SEC14L1: variants seen among roughly 807,000 people sequenced by gnomAD.
The protein encoded by SEC14L1 is SEC14-like protein 1.
A neutral mutation model predicts 85.3 loss-of-function variants in SEC14L1; 48 were observed. The observed-to-expected ratio is 0.56, with a 90% CI of 0.45 to 0.72. The LOEUF (loss-of-function observed/expected upper bound fraction) is 0.72. SEC14L1 is among the 30% of genes least tolerant of loss of function. The pLI is 0.00. For missense variants in SEC14L1, 682 were observed against 921.4 expected, an observed-to-expected ratio of 0.74 and a Z score of 3.36; for synonymous variants, 391 against 355.5, an observed-to-expected ratio of 1.10 and a Z score of -1.12.
Position 77,126,299 on chromosome 17 carries a change from C to T in SEC14L1, c.-135-16347C>T, listed in dbSNP as rs1438638117. On this transcript the variant is annotated intron_variant, in intron 3 of 19. Coordinates refer to the SEC14L1 transcript ENST00000392476. The stretch of plus-strand genomic sequence containing the variant: ...CGAAATGGGCTGTGATGAAGATCAT[C>T]GTGATGCTTGTGAAGTGCCTAGCAC... Among the ~76,000 whole-genome samples, 4 of 152,184 alleles carry T rather than the reference C, an allele frequency of 2.6e-5. No homozygotes were observed. The East Asian group carries it at 7.7e-4, about 29-fold the overall frequency.
At chr17:77,134,273 A>C (rs566876700) in intron 3 of SEC14L1, among the ~76,000 whole-genome samples, 1 of 148,654 alleles carries the variant, frequency 6.7e-6, no homozygotes, top group South Asian at 2.1e-4. Context: ...TTTTGGAGAC[A>C]TGGTCTCTCT....
Position 77,213,427 on chromosome 17 carries a change from G to A in SEC14L1, c.1977G>A (p.Leu659=), listed in dbSNP as rs777617274. Residue 659 remains leucine, a synonymous_variant, in exon 16 of 17, where the codon CTG becomes CTA. Coordinates refer to ENST00000436233, the MANE Select transcript of SEC14L1 (RefSeq NM_001143998.2). This position sits in a 1 kb window ranked among gnomAD's most constrained non-coding sequence, Gnocchi z 7.1. The part of the protein sequence containing the change: ...LPRVDDVLAS[L]QVSSHKCKVM... ...GGGTGGACGACGTGCTTGCGTCCCTGCAGGTCTCTTCGCACAAGTGTAAAG... is the reference window on the plus strand; with the variant it reads ...GGGTGGACGACGTGCTTGCGTCCCTACAGGTCTCTTCGCACAAGTGTAAAG... 2 of 1,613,216 alleles carry A rather than the reference G, an allele frequency of 1.2e-6. No individual in the cohort carries two copies. The highest frequency in any genetic ancestry group is 1.7e-5 in the Admixed American group (1 of 60,028).
At chr17:77,096,718 T>G (rs1446693735) in intron 3 of SEC14L1, among the ~76,000 whole-genome samples, 1 of 152,222 alleles carries the variant, frequency 6.6e-6, no homozygotes, top group African/African-American at 2.4e-5. Context: ...GTTTGGGTTT[T>G]GGGGCTTTTT....
chr17:77,166,925 T>G (rs969998721), intron 3 of SEC14L1, among the ~76,000 whole-genome samples: 1 of 152,174 alleles, frequency 6.6e-6, no homozygotes, highest in African/African-American at 2.4e-5. Flanking sequence ...TTAGGGTGCA[T>G]GCGTACTAGG....
intron 3 of SEC14L1, among the ~76,000 whole-genome samples, chr17:77,111,420 T>A: frequency 6.9e-6 from 1 of 144,712 alleles, no homozygotes; most frequent in Admixed American, 7.0e-5. Context: ...TGAGACAGAG[T>A]CTCGCTTTGT....
At position 77,209,428 on chromosome 17, in the gene SEC14L1, T is replaced by A; in HGVS notation, c.1563T>A (p.Thr521=). The A allele has an allele frequency of 6.2e-7, 1 of 1,614,214 alleles. No homozygotes were observed. Among genetic ancestry groups the A allele is most frequent in the South Asian group, 1.1e-5 (1 of 91,082 alleles). ...AGAACGAAGACCTGAAGCTCTGGACTGAGACCATCTACCAGTCTGCAAGCG... is the reference window on the plus strand; with the variant it reads ...AGAACGAAGACCTGAAGCTCTGGACAGAGACCATCTACCAGTCTGCAAGCG... The part of the protein sequence containing the change: ...ELENEDLKLW[T]ETIYQSASVF... The change falls in exon 14 of 17, where the codon ACT becomes ACA. Residue 521 remains threonine (T), a synonymous_variant. Coordinates refer to ENST00000436233, the MANE Select transcript of SEC14L1 (RefSeq NM_001143998.2).
At chr17:77,204,910 C>T (rs577154043) in intron 10 of SEC14L1, among the ~76,000 whole-genome samples, 16 of 152,298 alleles carry the variant, frequency 1.1e-4, no homozygotes, top group African/African-American at 3.1e-4. Context: ...TTTCTCTTGG[C>T]GGGCACATGT....
At chr17:77,177,512 G>A (rs1974813683) in intron 3 of SEC14L1, among the ~76,000 whole-genome samples, 1 of 151,770 alleles carries the variant, frequency 6.6e-6, no homozygotes, top group African/African-American at 2.4e-5. Context: ...TACATTAAAA[G>A]TACTTTAAGA....
chr17:77,140,985 C>T lies in SEC14L1; in HGVS notation c.-258C>T, dbSNP rs1391008179. On this transcript the variant is annotated 5_prime_UTR_variant, in exon 1 of 17. Coordinates refer to ENST00000436233, the MANE Select transcript of SEC14L1 (RefSeq NM_001143998.2). Reference sequence around the variant, plus strand: ...CTTCCCCCTCCCGCCTCCCCGGCCCCCTCCCCGGAACCGGCGGTCGAGCTA... The same window carrying T: ...CTTCCCCCTCCCGCCTCCCCGGCCCTCTCCCCGGAACCGGCGGTCGAGCTA... 2.0e-5 allele frequency: 3 copies of T among 151,926 alleles called. No individual in the cohort carries two copies. Among genetic ancestry groups the T allele is most frequent in the Non-Finnish European group, 2.9e-5 (2 of 67,980 alleles). The allele number at this position is 151,926 out of a possible 1,614,324, so 9.4% of individuals were successfully genotyped here.
chr17:77,167,931 CG>C lies in SEC14L1; in HGVS notation c.64-22871del, dbSNP rs1974357244. Among the ~76,000 whole-genome samples the C allele has an allele frequency of 3.9e-5, 6 of 152,310 alleles. No homozygotes were observed. The South Asian group carries it at 1.2e-3, about 32-fold the overall frequency. On this transcript the variant is annotated intron_variant, in intron 3 of 16. Coordinates refer to ENST00000436233, the MANE Select transcript of SEC14L1 (RefSeq NM_001143998.2). ...GCAGAAAGGTGCTGCCTGTTACAACCGCAAGAGTACACCGAGCAAAGGAGGG... is the reference window on the plus strand; with the variant it reads ...GCAGAAAGGTGCTGCCTGTTACAACCCAAGAGTACACCGAGCAAAGGAGGG...
intron 10 of SEC14L1, among the ~76,000 whole-genome samples, chr17:77,203,881 C>T (rs1976314459): frequency 2.0e-5 from 3 of 152,188 alleles, no homozygotes; most frequent in Admixed American, 6.5e-5. Flanking sequence ...GGGTCTCCCC[C>T]GAGATGCCTG....
At chr17:77,152,827 A>T (rs769192935) in intron 3 of SEC14L1, among the ~76,000 whole-genome samples, 9 of 152,228 alleles carry the variant, frequency 5.9e-5, no homozygotes, top group South Asian at 2.1e-4. Context: ...CCTGCTTCAA[A>T]TAAAGCCATT....
chr17:77,096,798 G>C (rs1444131161), intron 3 of SEC14L1, among the ~76,000 whole-genome samples: 2 of 152,036 alleles, frequency 1.3e-5, no homozygotes, highest in East Asian at 3.9e-4. Flanking sequence ...GTTGTAACTT[G>C]GTACAGAGTT....
chr17:77,163,839 T>C (rs1249294069), intron 3 of SEC14L1, among the ~76,000 whole-genome samples: 2 of 152,206 alleles, frequency 1.3e-5, no homozygotes, highest in Admixed American at 1.3e-4. Context: ...TGCAATTCTC[T>C]TTTCCCAAAT....
intron 13 of SEC14L1, 136 bp from the exon 14 acceptor site, chr17:77,209,206 G>A (rs1006215447): frequency 6.1e-6 from 6 of 975,958 alleles, no homozygotes; most frequent in East Asian, 2.6e-5. Context: ...AGTGTTTTAC[G>A]ACCCTGCCAG....
chr17:77,134,509 G>C (rs905484605), intron 3 of SEC14L1, among the ~76,000 whole-genome samples: 8 of 152,118 alleles, frequency 5.3e-5, no homozygotes, highest in Admixed American at 2.6e-4. Context: ...TTGAGGTCAG[G>C]AGTTCTAGAC....
upstream of SEC14L1, among the ~76,000 whole-genome samples, chr17:77,138,484 C>T (rs576747277): frequency 3.0e-4 from 45 of 152,064 alleles, no homozygotes; most frequent in South Asian, 1.3e-3. Context: ...GCTGGGCACT[C>T]GCCTGTAATC....
intron 3 of SEC14L1, among the ~76,000 whole-genome samples, chr17:77,168,247 A>T (rs1245848543): frequency 6.6e-6 from 1 of 152,184 alleles, no homozygotes; most frequent in Non-Finnish European, 1.5e-5. Flanking sequence ...AAACCCTTTG[A>T]AGAGGAATTC....
At chr17:77,113,098 G>A (rs144485810) in intron 3 of SEC14L1, among the ~76,000 whole-genome samples, 14 of 152,198 alleles carry the variant, frequency 9.2e-5, no homozygotes, top group South Asian at 6.2e-4. Flanking sequence ...GGTTGAGGCT[G>A]CACTGAGCCA....
Sources: gnomAD v4.1 joint callset for allele counts (sites outside exome capture counted in the v4.1 genomes callset) on GRCh38, gnomAD v4.1.1 for gene constraint, Gnocchi (gnomAD v3.1) non-coding constraint, MANE v1.5 for transcripts, NCBI Gene and HGNC (gene_info 2026-07-23, HGNC 2026-07-21) for gene names.